Variants in XYLT1 observed in about 807,000 individuals in gnomAD.
XYLT1 encodes xylosyltransferase 1.
XYLT1 carries 36 observed loss-of-function variants against 91.3 expected under a neutral mutation model. That is an observed-to-expected ratio of 0.39 (90% confidence interval 0.30 to 0.52). XYLT1 has a LOEUF of 0.52. Among genes scored for constraint, XYLT1 ranks in the 20% least tolerant of loss-of-function variants. The probability of loss-of-function intolerance (pLI) is 0.68; values close to 1 mark genes in which losing one functional copy is unlikely to be tolerated. For missense variants in XYLT1, 1,242 were observed against 1,284.5 expected (o/e 0.97, Z 0.51); for synonymous variants, 588 against 532.0 (o/e 1.11, Z -1.45).
chr16:17,195,431 T>G (rs1222519315), intron 5 of XYLT1, among the ~76,000 whole-genome samples: 1 of 152,070 alleles, frequency 6.6e-6, no homozygotes, highest in African/African-American at 2.4e-5. Flanking sequence ...CTTCCTTTTT[T>G]TTTGTTGTTT....
rs1418595882 is a variant in XYLT1 at position 17,259,097 on chromosome 16, C to T, written c.804G>A (p.Leu268=). 1 of 1,559,944 alleles carries T rather than the reference C, an allele frequency of 6.4e-7. No individual in the cohort carries two copies. Among genetic ancestry groups the T allele is most frequent in the South Asian group, 1.2e-5 (1 of 82,920 alleles). ...GGCAGTGCTTGGACTTAGCACGGGA[C>T]AGGGCAGAGATGGCCTCCTTGCCTG... ...DISGKEAISA[L]SRAKSKHCRQ... is the part of the protein sequence containing the mutation. Residue 268 remains leucine (L), a synonymous_variant, in exon 3 of 12, where the codon CTG becomes CTA. Transcript: ENST00000261381.
At chr16:17,444,702 A>C (rs116434451) in intron 1 of XYLT1, among the ~76,000 whole-genome samples, 1,611 of 152,244 alleles carry the variant, frequency 0.011, 37 homozygotes, top group African/African-American at 0.037. Flanking sequence ...ATGCTCAATA[A>C]ATATTTGTTA....
rs545788489 is a variant in XYLT1 at position 17,242,126 on chromosome 16, T to C, written c.913+16862A>G. On this transcript the variant is annotated intron_variant, in intron 3 of 11. Transcript: ENST00000261381. ...ATTACCTCCCACTAGGTCCCTCCCA[T>C]GACACATGGGAATTGTGGGAGTACA... Among the ~76,000 whole-genome samples the C allele has an allele frequency of 8.5e-5, 13 of 152,282 alleles. No homozygotes were observed. The South Asian group carries it at 2.5e-3, about 29-fold the overall frequency.
At chr16:17,251,847 A>G (rs916212089) in intron 3 of XYLT1, among the ~76,000 whole-genome samples, 1 of 152,040 alleles carries the variant, frequency 6.6e-6, no homozygotes, top group African/African-American at 2.4e-5. Flanking sequence ...TGGTCCTGGA[A>G]GGCTTCCCAG....
intron 6 of XYLT1, among the ~76,000 whole-genome samples, chr16:17,148,536 G>T (rs1165140769): frequency 6.6e-6 from 1 of 152,166 alleles, no homozygotes; most frequent in Admixed American, 6.5e-5. Flanking sequence ...ATAAAAAGAA[G>T]GGTAACAGCC....
intron 3 of XYLT1, among the ~76,000 whole-genome samples, chr16:17,221,005 A>G (rs17210675): frequency 0.027 from 4,051 of 152,300 alleles, 69 homozygotes; most frequent in Admixed American, 0.039. Context: ...CACTAGGGCA[A>G]TAAATGCAGA....
chr16:17,335,198 G>A (rs941561175), intron 2 of XYLT1, among the ~76,000 whole-genome samples: 17 of 151,606 alleles, frequency 1.1e-4, no homozygotes, highest in African/African-American at 3.6e-4. Context: ...CAGCCTGGGC[G>A]ACAGAGTGAG....
chr16:17,235,224 G>C (rs2033228284), intron 3 of XYLT1, among the ~76,000 whole-genome samples: 2 of 151,760 alleles, frequency 1.3e-5, no homozygotes. Flanking sequence ...ACACAAGTCA[G>C]ACAAAGCTGT....
chr16:17,131,999 G>A (rs1416189128), intron 9 of XYLT1, among the ~76,000 whole-genome samples: 7 of 140,432 alleles, frequency 5.0e-5, no homozygotes, highest in African/African-American at 1.1e-4. Flanking sequence ...GCAACGTGAC[G>A]GCTCACTTCA....
rs78897782 is a variant in XYLT1 at position 17,289,731 on chromosome 16, G to C, written c.403-30233C>G. On this transcript the variant is annotated intron_variant, in intron 2 of 11. Coordinates refer to ENST00000261381, the MANE Select transcript of XYLT1 (RefSeq NM_022166.4). ...GTTCTGTACCTAGGAAAATTTGACTGGCTCCAAAAAAAAGTTTGCAAAAAA... is the reference window on the plus strand; with the variant it reads ...GTTCTGTACCTAGGAAAATTTGACTCGCTCCAAAAAAAAGTTTGCAAAAAA... Among the ~76,000 whole-genome samples, 13 of 152,120 alleles carry C rather than the reference G, an allele frequency of 8.5e-5. No individual in the cohort carries two copies. In the East Asian group the frequency reaches 2.5e-3, roughly 29 times the overall value.
intron 2 of XYLT1, among the ~76,000 whole-genome samples, chr16:17,323,719 T>G (rs114846582): frequency 9.1e-4 from 138 of 152,116 alleles, no homozygotes; most frequent in African/African-American, 3.2e-3. Context: ...CAACAGGACA[T>G]CACCAGTGTG....
intron 5 of XYLT1, among the ~76,000 whole-genome samples, chr16:17,195,805 C>G (rs2032416123): frequency 6.6e-6 from 1 of 152,200 alleles, no homozygotes; most frequent in Non-Finnish European, 1.5e-5. Flanking sequence ...GCATGATCAT[C>G]TAACTCCATC....
intron 2 of XYLT1, among the ~76,000 whole-genome samples, chr16:17,292,323 G>T (rs537701384): frequency 6.6e-6 from 1 of 152,312 alleles, no homozygotes; most frequent in East Asian, 1.9e-4. Flanking sequence ...GCAATGCAAA[G>T]AGGGAAACAC....
At chr16:17,395,957 A>C (rs2035880714) in intron 1 of XYLT1, among the ~76,000 whole-genome samples, 1 of 152,176 alleles carries the variant, frequency 6.6e-6, no homozygotes, top group Non-Finnish European at 1.5e-5. Context: ...CACGGCAGAG[A>C]GATGAAAGTT....
chr16:17,172,758 C>A (rs1234527354), intron 5 of XYLT1, among the ~76,000 whole-genome samples: 1 of 152,188 alleles, frequency 6.6e-6, no homozygotes, highest in Admixed American at 6.5e-5. Flanking sequence ...CAGGCGTGAG[C>A]CACCGCACCT....
intron 5 of XYLT1, among the ~76,000 whole-genome samples, chr16:17,179,539 T>C (rs768692975): frequency 3.9e-5 from 6 of 152,220 alleles, no homozygotes; most frequent in Non-Finnish European, 8.8e-5. Context: ...TACTCATTTC[T>C]ACCTGATATA....
intron 1 of XYLT1, among the ~76,000 whole-genome samples, chr16:17,401,137 T>C (rs147502230): frequency 1.3e-4 from 20 of 152,284 alleles, no homozygotes; most frequent in Non-Finnish European, 2.5e-4. Flanking sequence ...TCAGAGATCA[T>C]GGCTGGAAAG....
intron 2 of XYLT1, among the ~76,000 whole-genome samples, chr16:17,351,756 G>GGGT (rs1555499406): frequency 1.3e-5 from 2 of 148,778 alleles, no homozygotes; most frequent in African/African-American, 5.1e-5. Context: ...TTTTGGGGGG[G>GGGT]GGTGCTTTCC....
At chr16:17,211,058 T>G (rs372342664) in intron 3 of XYLT1, among the ~76,000 whole-genome samples, 1 of 152,176 alleles carries the variant, frequency 6.6e-6, no homozygotes, top group Non-Finnish European at 1.5e-5. Flanking sequence ...ATGGCCATGA[T>G]GCAAAATTAC....
Sources: allele counts gnomAD v4.1 joint callset (sites outside exome capture counted in the v4.1 genomes callset), GRCh38; gene constraint gnomAD v4.1.1; transcripts MANE v1.5; gene names NCBI Gene and HGNC (gene_info 2026-07-23, HGNC 2026-07-21).